Variants in SLC22A23 observed in about 807,000 individuals in gnomAD.
The protein encoded by SLC22A23 is solute carrier family 22 member 23, also known as ion transporter protein.
SLC22A23 carries 26 observed loss-of-function variants against 61.0 expected under a neutral mutation model. The observed-to-expected ratio is 0.43, with a 90% confidence interval of 0.31 to 0.59. The LOEUF (loss-of-function observed/expected upper bound fraction) is 0.59. SLC22A23 is among the 20% of genes least tolerant of loss of function. SLC22A23 has a pLI of 0.11. For synonymous variants in SLC22A23, 430 were observed against 413.9 expected (o/e 1.04, Z -0.47); for missense variants, 796 against 934.7 (o/e 0.85, Z 1.94).
chr6:3,282,537 C>T (rs961953887), intron 9 of SLC22A23, among the ~76,000 whole-genome samples: 6 of 152,246 alleles, frequency 3.9e-5, no homozygotes, highest in African/African-American at 1.4e-4. Context: ...GCTCCCAAAG[C>T]CTTCCCCAGC....
At chr6:3,289,734 C>T (rs139264807) in intron 6 of SLC22A23, 30 bp downstream of exon 6, 2 of 1,597,450 alleles carry the variant, frequency 1.3e-6, no homozygotes, top group South Asian at 2.2e-5. Flanking sequence ...CCCCCTCCCA[C>T]CCAGCTGGCA....
At chr6:3,337,019 G>A (rs1439058701) in intron 3 of SLC22A23, among the ~76,000 whole-genome samples, 5 of 152,068 alleles carry the variant, frequency 3.3e-5, no homozygotes, top group Non-Finnish European at 7.4e-5. Context: ...CATTGCCCAG[G>A]CTGGTCTTGA....
intron 8 of SLC22A23, 183 bp from the exon 9 acceptor site, chr6:3,284,158 G>T (rs1759748945): frequency 3.8e-6 from 2 of 532,492 alleles, no homozygotes; most frequent in Admixed American, 3.3e-5. Flanking sequence ...CCCCTGCAGT[G>T]GGTTTTGTGG....
intron 5 of SLC22A23, among the ~76,000 whole-genome samples, chr6:3,292,937 A>AGGCCCTGAT: frequency 6.6e-6 from 1 of 152,276 alleles, no homozygotes; most frequent in Middle Eastern, 3.4e-3. Flanking sequence ...GAGGGAAAGG[A>AGGCCCTGAT]GGCCCTGATG....
rs981423824 is a variant in SLC22A23 at position 3,318,422 on chromosome 6, C to T, written c.1082+5412G>A. Among the ~76,000 whole-genome samples the T allele has an allele frequency of 2.6e-5, 4 of 152,162 alleles. No individual in the cohort carries two copies. Among genetic ancestry groups the T allele is most frequent in the African/African-American group, 9.7e-5 (4 of 41,424 alleles). ...CACCCCGGGGCCAGCTTCCAGACAC[C>T]TAGGGACAGCCCTATGCCCACGCGC... On this transcript the variant is annotated intron_variant, in intron 4 of 9. Coordinates refer to ENST00000406686, the MANE Select transcript of SLC22A23 (RefSeq NM_015482.2). The surrounding 1 kb of genome is among the most constrained non-coding windows in gnomAD (Gnocchi z 4.3).
intron 6 of SLC22A23, among the ~76,000 whole-genome samples, chr6:3,287,724 C>T (rs1453554458): frequency 6.7e-6 from 1 of 150,352 alleles, no homozygotes; most frequent in Non-Finnish European, 1.5e-5. Flanking sequence ...TGTTCTGCTA[C>T]CCAAGCTGGA....
intron 3 of SLC22A23, among the ~76,000 whole-genome samples, chr6:3,345,611 C>T (rs1273514734): frequency 2.6e-5 from 4 of 152,024 alleles, no homozygotes; most frequent in Non-Finnish European, 5.9e-5. Context: ...GTGATCCTCC[C>T]GCCTCAGCCT....
rs772911297 is a variant in SLC22A23, at chr6:3,287,030, C to A, written c.1375G>T (p.Val459Leu). The change falls in exon 7 of 10, where the codon GTG becomes TTG. Residue 459 changes from valine (V) to leucine (L), a missense_variant. By Grantham distance (32) the Val-to-Leu change is conservative. Transcript: ENST00000406686. ...GCATAGAAGTTCTCCAGGAGCGGCA[C>A]CTTCACCTCGTGGCCCATCATGCTC... Reference protein sequence around the residue: ...ARSMMGHEVKVPLLENFYADY... With the variant: ...ARSMMGHEVKLPLLENFYADY... 2.5e-6 allele frequency: 4 copies of A among 1,614,236 alleles called. No individual in the cohort carries two copies. The highest frequency in any genetic ancestry group is 3.4e-6 in the Non-Finnish European group (4 of 1,180,050).
intron 1 of SLC22A23, among the ~76,000 whole-genome samples, chr6:3,448,678 T>C (rs1485656692): frequency 1.3e-5 from 2 of 152,146 alleles, no homozygotes; most frequent in Non-Finnish European, 2.9e-5. Context: ...GTATGTTTAG[T>C]AGAGACGGGG....
chr6:3,277,143 C>G (rs1758985581), intron 9 of SLC22A23, among the ~76,000 whole-genome samples: 1 of 152,158 alleles, frequency 6.6e-6, no homozygotes, highest in Non-Finnish European at 1.5e-5. Context: ...TAGGGGGCAG[C>G]TGGGTGTAGG....
intron 3 of SLC22A23, among the ~76,000 whole-genome samples, chr6:3,371,967 T>C (rs371480460): frequency 2.6e-5 from 4 of 152,284 alleles, no homozygotes; most frequent in African/African-American, 4.8e-5. Context: ...TTTTGGAGGA[T>C]GCATCTTAGA....
Position 3,360,995 on chromosome 6 carries a change from C to G in SLC22A23, c.914-36993G>C, listed in dbSNP as rs1349723480. On this transcript the variant is annotated intron_variant, in intron 3 of 9. Coordinates refer to ENST00000406686, the MANE Select transcript of SLC22A23 (RefSeq NM_015482.2). The surrounding 1 kb of genome is among the most constrained non-coding windows in gnomAD (Gnocchi z 4.6). ...GGGAGCTCGAGGCAGCAGGGATGTC[C>G]AGGCCACAGAAGGTGTCCCACATTT... 6.6e-6 allele frequency among the ~76,000 whole-genome samples: 1 copy of G among 152,184 alleles called. No individual in the cohort carries two copies. Among genetic ancestry groups the G allele is most frequent in the African/African-American group, 2.4e-5 (1 of 41,446 alleles).
In SLC22A23 at chr6:3,272,144, T is replaced by TC. The variant is rs1217782872; in HGVS notation, c.*910dup. On this transcript the variant is annotated 3_prime_UTR_variant, in exon 10 of 10. Coordinates refer to ENST00000406686, the MANE Select transcript of SLC22A23 (RefSeq NM_015482.2). ...CCCTTCTGTGGATTTGCCTCTGCCA[T>TC]CTTTTTGAGTTATTTTCTAATGGTT... 1 of 152,372 alleles carries TC rather than the reference T, an allele frequency of 6.6e-6. No individual in the cohort carries two copies. The highest frequency in any genetic ancestry group is 1.5e-5 in the Non-Finnish European group (1 of 68,060). The allele number at this position is 152,372 out of a possible 1,614,324, so 9.4% of individuals were successfully genotyped here. A position where few individuals can be genotyped will look rare whatever the true frequency, so the allele number is the denominator to read the frequency against.
chr6:3,361,515 C>T (rs1053855403), intron 3 of SLC22A23, among the ~76,000 whole-genome samples: 5 of 152,170 alleles, frequency 3.3e-5, no homozygotes, highest in Non-Finnish European at 5.9e-5. Flanking sequence ...CCCAGGAGAA[C>T]GGCGACCTGC....
chr6:3,417,987 T>C (rs1009082439), intron 1 of SLC22A23, among the ~76,000 whole-genome samples: 4 of 152,236 alleles, frequency 2.6e-5, no homozygotes, highest in Admixed American at 2.6e-4. Context: ...ACACAACCTA[T>C]TTCTAACTTC....
intron 1 of SLC22A23, among the ~76,000 whole-genome samples, chr6:3,434,467 G>A (rs1248674330): frequency 6.6e-6 from 1 of 151,788 alleles, no homozygotes; most frequent in Non-Finnish European, 1.5e-5. Context: ...AAATAAGCGG[G>A]GCATGGTGGT....
At chr6:3,279,657 T>C (rs2127297231) in intron 9 of SLC22A23, among the ~76,000 whole-genome samples, 1 of 152,156 alleles carries the variant, frequency 6.6e-6, no homozygotes, top group Non-Finnish European at 1.5e-5. Context: ...TCCTTGGTTT[T>C]AAGGTGTTGG....
intron 6 of SLC22A23, among the ~76,000 whole-genome samples, chr6:3,287,796 G>A (rs1760183165): frequency 6.6e-6 from 1 of 151,506 alleles, no homozygotes; most frequent in Admixed American, 6.6e-5. Context: ...TGATTCTCCT[G>A]CTTCAGCCTC....
intron 3 of SLC22A23, among the ~76,000 whole-genome samples, chr6:3,332,389 T>C (rs55683584): frequency 0.24 from 37,196 of 151,922 alleles, 5,832 homozygotes; most frequent in African/African-American, 0.44. Flanking sequence ...GCATAATACT[T>C]CTAAATAGAG....
Sources: allele counts gnomAD v4.1 joint callset (sites outside exome capture counted in the v4.1 genomes callset), GRCh38; gene constraint gnomAD v4.1.1; non-coding constraint Gnocchi (gnomAD v3.1); transcripts MANE v1.5; gene names NCBI Gene and HGNC (gene_info 2026-07-23, HGNC 2026-07-21).